The following ZDHHC24 variants were observed in gnomAD, a reference collection of about 807,000 sequenced individuals.
The protein encoded by ZDHHC24 is probable palmitoyltransferase ZDHHC24.
ZDHHC24 carries 17 observed loss-of-function variants against 23.2 expected under a neutral mutation model. The observed-to-expected ratio is 0.73, with a 90% CI of 0.50 to 1.10. ZDHHC24 has a LOEUF of 1.10. Among genes scored for constraint, ZDHHC24 ranks in the 50% least tolerant of loss-of-function variants. The probability of loss-of-function intolerance (pLI) is 0.00; values close to 1 mark genes in which losing one functional copy is unlikely to be tolerated. For missense variants in ZDHHC24, 366 were observed against 393.0 expected (o/e 0.93, Z 0.58); for synonymous variants, 186 against 194.5 (o/e 0.96, Z 0.36).
chr11:66,545,684 G>C lies in ZDHHC24; in HGVS notation c.281+39C>G. ...TTGGGGCCCCTCCCCCCTGTCCAAG[G>C]CTCCCACTTCTCCCCGCCCGATCCC... On this transcript the variant is annotated intron_variant, in intron 1 of 2. Coordinates refer to ENST00000310442, the MANE Select transcript of ZDHHC24 (RefSeq NM_207340.3). This position sits in a 1 kb window ranked among gnomAD's most constrained non-coding sequence, Gnocchi z 4.5. 10 of 1,467,822 alleles carry C rather than the reference G, an allele frequency of 6.8e-6. No individual in the cohort carries two copies. Among genetic ancestry groups the C allele is most frequent in the Non-Finnish European group, 9.0e-6 (10 of 1,114,050 alleles). 90.9% of individuals were successfully genotyped at this position (1,467,822 alleles called of 1,614,324 possible). A position where few individuals can be genotyped will look rare whatever the true frequency, so the allele number is the denominator to read the frequency against.
At chr11:66,528,411 G>T (rs1362861839) in intron 3 of ZDHHC24, among the ~76,000 whole-genome samples, 3 of 152,164 alleles carry the variant, frequency 2.0e-5, no homozygotes, top group Non-Finnish European at 2.9e-5. Context: ...TTGATTCAAA[G>T]AGTAAACCTA....
At chr11:66,526,960 G>A in exon 4 of ZDHHC24, 1 of 1,562,568 alleles carries the variant, frequency 6.4e-7, no homozygotes, top group Non-Finnish European at 8.6e-7. Context: ...GGACAGCCTA[G>A]GAGGTACACG....
intron 4 of ZDHHC24, among the ~76,000 whole-genome samples, chr11:66,524,886 C>G (rs1465897849): frequency 6.6e-6 from 1 of 151,370 alleles, no homozygotes; most frequent in African/African-American, 2.4e-5. Flanking sequence ...GAAACCCCAT[C>G]TCTACTAAAA....
chr11:66,543,631 C>T, intron 2 of ZDHHC24, 73 bp downstream of exon 2: 1 of 1,459,084 alleles, frequency 6.9e-7, no homozygotes, highest in Non-Finnish European at 9.1e-7. Context: ...CCGTCTCCCA[C>T]CAGAATGGGC....
In ZDHHC24 at chr11:66,536,874, C is replaced by A. The variant is rs1274276435; in HGVS notation, c.*2655G>T. 6.6e-6 allele frequency: 1 copy of A among 151,706 alleles called. No individual in the cohort carries two copies. The highest frequency in any genetic ancestry group is 2.4e-5 in the African/African-American group (1 of 41,320). 9.4% of individuals were successfully genotyped at this position (151,706 alleles called of 1,614,324 possible). On this transcript the variant is annotated 3_prime_UTR_variant, in exon 3 of 3. Transcript: ENST00000310442. ...GGGTAACAAGAGTGAAACTCTGTCT[C>A]AAAAAATAAAAAGAGAAAGAAAGAA...
rs1202428058 is a variant in ZDHHC24, at chr11:66,538,977, G to C, written c.*552C>G. 6.5e-6 allele frequency: 1 copy of C among 152,938 alleles called. No individual in the cohort carries two copies. Among genetic ancestry groups the C allele is most frequent in the East Asian group, 1.9e-4 (1 of 5,202 alleles). 9.5% of individuals were successfully genotyped at this position (152,938 alleles called of 1,614,324 possible). A position where few individuals can be genotyped will look rare whatever the true frequency, so the allele number is the denominator to read the frequency against. ...AGCGTAACTGCTGCCCCATGGACCAGGTTAGCTAAGAGAGGTTCCATGAAA... is the reference window on the plus strand; with the variant it reads ...AGCGTAACTGCTGCCCCATGGACCACGTTAGCTAAGAGAGGTTCCATGAAA... On this transcript the variant is annotated 3_prime_UTR_variant, in exon 3 of 3. Transcript: ENST00000310442.
chr11:66,530,366 A>G (rs1275137316), intron 2 of ZDHHC24, among the ~76,000 whole-genome samples: 1 of 152,126 alleles, frequency 6.6e-6, no homozygotes, highest in Middle Eastern at 3.2e-3. Context: ...CTCACCCGCA[A>G]GCACCGAGAC....
intron 4 of ZDHHC24, chr11:66,526,090 T>G: frequency 6.2e-7 from 1 of 1,611,118 alleles, no homozygotes; most frequent in Non-Finnish European, 8.5e-7. Flanking sequence ...CTCCAAGATA[T>G]TTCCCCAACT....
intron 4 of ZDHHC24, chr11:66,523,043 A>G (rs1182799659): frequency 2.4e-6 from 1 of 415,496 alleles, no homozygotes; most frequent in Non-Finnish European, 4.8e-6. Flanking sequence ...TTGAGAGGCC[A>G]GTAAACTAAA....
chr11:66,521,688 C>G, intron 4 of ZDHHC24: 1 of 367,390 alleles, frequency 2.7e-6, no homozygotes, highest in Non-Finnish European at 5.2e-6. Flanking sequence ...AGCGGATCAC[C>G]TGAGGTCAGG....
downstream of ZDHHC24, chr11:66,531,777 C>G: frequency 6.2e-7 from 1 of 1,613,640 alleles, no homozygotes. Flanking sequence ...GGAAGGTGAG[C>G]AGGACCCTGG....
Position 66,539,706 on chromosome 11 carries a change from G to A in ZDHHC24, c.678C>T (p.Thr226=), listed in dbSNP as rs1188348519. Residue 226 remains threonine (T), a synonymous_variant, in exon 3 of 3, where the codon ACC becomes ACT. Transcript: ENST00000310442. The stretch of plus-strand genomic sequence containing the variant: ...GCTGGCCCCGAGCCCACTCCCATGT[G>A]GTCTGGCCCCGCAGCAGCAGCATCC... ...FHGMLLLRGQ[T]TWEWARGQHS... 6 of 1,612,344 alleles carry A rather than the reference G, an allele frequency of 3.7e-6. No homozygotes were observed. Among genetic ancestry groups the A allele is most frequent in the Non-Finnish European group, 5.1e-6 (6 of 1,179,808 alleles).
In ZDHHC24 at chr11:66,536,142, C is replaced by G. The variant is rs769154507; in HGVS notation, c.*3387G>C. ...GACTGAAACAGGACAGTGTCTCCCC[C>G]ACCAGGAAGGGGCAACAGCAGGAAC... On this transcript the variant is annotated 3_prime_UTR_variant, in exon 3 of 3. Transcript: ENST00000310442. The G allele has an allele frequency of 6.6e-6, 1 of 152,490 alleles. No homozygotes were observed. The highest frequency in any genetic ancestry group is 6.5e-5 in the Admixed American group (1 of 15,302). 9.4% of individuals were successfully genotyped at this position (152,490 alleles called of 1,614,324 possible).
chr11:66,527,395 G>A (rs559272591), intron 3 of ZDHHC24, among the ~76,000 whole-genome samples: 1 of 152,142 alleles, frequency 6.6e-6, no homozygotes, highest in African/African-American at 2.4e-5. Context: ...CTTGGGCCAG[G>A]TGCAGTGGCT....
In ZDHHC24 at chr11:66,543,969, T is replaced by C. The variant is rs371877488; in HGVS notation, c.294A>G (p.Gln98=). The change falls in exon 2 of 3, where the codon CAA becomes CAG. Residue 98 remains glutamine, a synonymous_variant. Coordinates refer to ENST00000310442, the MANE Select transcript of ZDHHC24 (RefSeq NM_207340.3). ...TGCGTGGCGGCACCTGGCTTTGGCA[T>C]TGGTAGCAGTAACTGCAGGAAGGAA... The part of the protein sequence containing the change: ...GLGQGWAYCY[Q]CQSQVPPRSG... The C allele has an allele frequency of 6.2e-7, 1 of 1,613,312 alleles. No individual in the cohort carries two copies. Among genetic ancestry groups the C allele is most frequent in the Middle Eastern group, 1.7e-4 (1 of 6,048 alleles).
At chr11:66,530,876 C>T (rs2134836485), downstream of ZDHHC24, 1 of 1,614,116 alleles carries the variant, frequency 6.2e-7, no homozygotes, top group Admixed American at 1.7e-5. Flanking sequence ...GGGCTTTCTC[C>T]ACCCACCCTC....
At position 66,537,946 on chromosome 11, in the gene ZDHHC24, A is replaced by G. The variant is rs1389824862; in HGVS notation, c.*1583T>C. 2.8e-5 allele frequency: 4 copies of G among 144,258 alleles called. 1 individual carries two copies. The highest frequency in any genetic ancestry group is 6.3e-5 in the Non-Finnish European group (4 of 63,176). 8.9% of individuals were successfully genotyped at this position (144,258 alleles called of 1,614,324 possible). Reference sequence around the variant, plus strand: ...TGTCTCAAATAAAATAAAATAAAATAAAATAAAATAAAATAATAAAAAATT... The same window carrying G: ...TGTCTCAAATAAAATAAAATAAAATGAAATAAAATAAAATAATAAAAAATT... On this transcript the variant is annotated 3_prime_UTR_variant, in exon 3 of 3. Transcript: ENST00000310442.
At chr11:66,539,944 C>G in intron 2 of ZDHHC24, 120 bp from the exon 3 acceptor site, 3 of 1,044,370 alleles carry the variant, frequency 2.9e-6, no homozygotes, top group Non-Finnish European at 4.0e-6. Context: ...TGTGTCGATA[C>G]TCGCTGGCCA....
rs535927401 is a variant in ZDHHC24 at position 66,543,595 on chromosome 11, G to A, written c.559+109C>T. 198 of 1,382,282 alleles carry A rather than the reference G, an allele frequency of 1.4e-4. No homozygotes were observed. The African/African-American group carries it at 2.0e-3, about 14-fold the overall frequency. The allele number at this position is 1,382,282 out of a possible 1,614,324, so 85.6% of individuals were successfully genotyped here. Reference sequence around the variant, plus strand: ...CCCTTACTGGCCATCACTGACACTGGGGCTGGGTCCCCCAGGCCAGAAAGC... The same window carrying A: ...CCCTTACTGGCCATCACTGACACTGAGGCTGGGTCCCCCAGGCCAGAAAGC... On this transcript the variant is annotated intron_variant, in intron 2 of 2. Transcript: ENST00000310442.
Sources: allele counts gnomAD v4.1 joint callset (sites outside exome capture counted in the v4.1 genomes callset), GRCh38; gene constraint gnomAD v4.1.1; non-coding constraint Gnocchi (gnomAD v3.1); transcripts MANE v1.5; gene names NCBI Gene and HGNC (gene_info 2026-07-23, HGNC 2026-07-21).